The following PABPC4L variants were observed in gnomAD, a reference collection of about 807,000 sequenced individuals.
PABPC4L encodes the protein polyadenylate-binding protein 4-like.
For missense variants in PABPC4L, 452 were observed against 451.4 expected (o/e 1.00, Z -0.01); for synonymous variants, 169 against 164.1 (o/e 1.03, Z -0.23).
chr4:134,115,786 A>T, the PABPC4L span, among the ~76,000 whole-genome samples: 3 of 151,826 alleles, frequency 2.0e-5, no homozygotes, highest in African/African-American at 7.2e-5. Context: ...TATGTTTTAA[A>T]GCAAAACTCC....
chr4:134,187,436 C>T, the PABPC4L span, among the ~76,000 whole-genome samples: 15 of 151,504 alleles, frequency 9.9e-5, no homozygotes, highest in African/African-American at 3.4e-4. Flanking sequence ...AGCAAAGTAT[C>T]GCAAGGACAG....
At chr4:134,060,959 G>A in the PABPC4L span, among the ~76,000 whole-genome samples, 2 of 151,992 alleles carry the variant, frequency 1.3e-5, no homozygotes, top group African/African-American at 2.4e-5. Context: ...ATGTCAGATG[G>A]TTAATGGGTA....
the PABPC4L span, among the ~76,000 whole-genome samples, chr4:133,966,543 G>A: frequency 4.6e-5 from 7 of 152,110 alleles, no homozygotes; most frequent in African/African-American, 9.7e-5. Flanking sequence ...TTGCAAAATC[G>A]TGGAACCAAC....
the PABPC4L span, among the ~76,000 whole-genome samples, chr4:134,020,060 C>T: frequency 2.0e-5 from 3 of 152,080 alleles, no homozygotes; most frequent in Non-Finnish European, 4.4e-5. Flanking sequence ...CTAGCTACTA[C>T]CACAACTAGG....
At chr4:134,114,767 A>T in the PABPC4L span, among the ~76,000 whole-genome samples, 1 of 151,908 alleles carries the variant, frequency 6.6e-6, no homozygotes, top group Non-Finnish European at 1.5e-5. Context: ...AGAGCACGTT[A>T]AAAAATTTAA....
chr4:134,081,518 G>A, the PABPC4L span, among the ~76,000 whole-genome samples: 1 of 152,120 alleles, frequency 6.6e-6, no homozygotes. Flanking sequence ...GTTTATTTGA[G>A]AGTTTAAGGA....
the PABPC4L span, among the ~76,000 whole-genome samples, chr4:134,042,329 C>T: frequency 1.6e-3 from 247 of 152,140 alleles, no homozygotes; most frequent in African/African-American, 5.5e-3. Flanking sequence ...TGAAAAACTA[C>T]CTATTGGATA....
chr4:134,140,672 T>C, the PABPC4L span, among the ~76,000 whole-genome samples: 57 of 151,968 alleles, frequency 3.8e-4, no homozygotes, highest in East Asian at 1.4e-3. Flanking sequence ...AAATTGAATA[T>C]TTTCAAACCC....
At chr4:134,149,391 T>C in the PABPC4L span, among the ~76,000 whole-genome samples, 37 of 152,276 alleles carry the variant, frequency 2.4e-4, no homozygotes, top group Non-Finnish European at 1.0e-4. Flanking sequence ...CTGGGGTTGA[T>C]CAACGGCATG....
chr4:134,171,225 G>T, the PABPC4L span, among the ~76,000 whole-genome samples: 1 of 151,960 alleles, frequency 6.6e-6, no homozygotes, highest in East Asian at 1.9e-4. Context: ...AAGCAATTAT[G>T]CTGCCTCAGC....
the PABPC4L span, among the ~76,000 whole-genome samples, chr4:134,172,459 T>C: frequency 6.6e-6 from 1 of 152,196 alleles, no homozygotes; most frequent in Non-Finnish European, 1.5e-5. Context: ...CCTAGCCATA[T>C]GCAGAAGATT....
Position 134,201,228 on chromosome 4 carries a change from T to C in PABPC4L, c.-209A>G. ...CCCACAGCCACCAATCTGGCCCTCC[T>C]AGGACGCGGCAACAGAACTGTGAAA... On this transcript the variant is annotated 5_prime_UTR_variant, in exon 2 of 2. Transcript: ENST00000421491. 1 of 1,537,882 alleles carries C rather than the reference T, an allele frequency of 6.5e-7. No homozygotes were observed. The highest frequency in any genetic ancestry group is 8.8e-7 in the Non-Finnish European group (1 of 1,139,994).
chr4:134,159,102 G>A, the PABPC4L span, among the ~76,000 whole-genome samples: 1 of 152,220 alleles, frequency 6.6e-6, no homozygotes, highest in Admixed American at 6.5e-5. Context: ...AAGTTACTGT[G>A]GGCAACTCAG....
At chr4:134,158,084 G>T in the PABPC4L span, among the ~76,000 whole-genome samples, 3 of 151,592 alleles carry the variant, frequency 2.0e-5, no homozygotes, top group African/African-American at 7.3e-5. Context: ...AAGTTCTATT[G>T]TTTCCCTCTG....
the PABPC4L span, among the ~76,000 whole-genome samples, chr4:134,009,947 A>C: frequency 6.6e-6 from 1 of 152,054 alleles, no homozygotes; most frequent in Admixed American, 6.6e-5. Flanking sequence ...TTATGAAGCA[A>C]TTACTTGACA....
At chr4:134,095,923 T>G in the PABPC4L span, among the ~76,000 whole-genome samples, 1 of 151,992 alleles carries the variant, frequency 6.6e-6, no homozygotes, top group African/African-American at 2.4e-5. Flanking sequence ...AAAACAGCAC[T>G]CCTAGTCACT....
the PABPC4L span, chr4:134,010,678 T>C: frequency 1.3e-5 from 2 of 152,176 alleles, no homozygotes; most frequent in Non-Finnish European, 2.9e-5. Flanking sequence ...TGAATACAGT[T>C]GGCAATGATA....
At chr4:134,191,928 A>T (rs1251375334), downstream of PABPC4L, among the ~76,000 whole-genome samples, 1 of 152,104 alleles carries the variant, frequency 6.6e-6, no homozygotes, top group African/African-American at 2.4e-5. Flanking sequence ...AGAATAGAAA[A>T]ACAATAGAAA....
At chr4:134,033,486 G>A in the PABPC4L span, among the ~76,000 whole-genome samples, 3 of 151,824 alleles carry the variant, frequency 2.0e-5, no homozygotes, top group Non-Finnish European at 4.4e-5. Context: ...CATGTAAAAA[G>A]CCAAGGCAGA....
Sources: allele counts gnomAD v4.1 joint callset (sites outside exome capture counted in the v4.1 genomes callset), GRCh38; gene constraint gnomAD v4.1.1; transcripts MANE v1.5; gene names NCBI Gene and HGNC (gene_info 2026-07-23, HGNC 2026-07-21).